Variants in FTCDNL1 observed in about 807,000 individuals in gnomAD.
FTCDNL1 encodes formiminotransferase cyclodeaminase N-terminal like.
In FTCDNL1, 11 loss-of-function variants were observed where a neutral mutation model predicts 5.9. The observed-to-expected ratio is 1.87, with a 90% confidence interval of 1.18 to 3.10. The LOEUF (loss-of-function observed/expected upper bound fraction) is 3.10, where lower values mean the gene tolerates loss of function less well. Ranked by LOEUF, FTCDNL1 falls within the 30% of genes most tolerant of loss-of-function variation. The pLI, the probability that FTCDNL1 is intolerant of heterozygous loss-of-function variation, is 0.00. For missense variants in FTCDNL1, 115 were observed against 65.5 expected (o/e 1.76, Z -2.61); for synonymous variants, 58 against 24.8 (o/e 2.34, Z -3.99).
the FTCDNL1 span, among the ~76,000 whole-genome samples, chr2:199,701,299 TAAAAAAAAAAAAAAAAAAAAAAA>T: frequency 1.9e-3 from 141 of 72,368 alleles, 1 homozygote; most frequent in Admixed American, 2.9e-3. Context: ...CTTGAAAGTT[TAAAAAAAAAAAAAAAAAAAAAAA>T]AAAAAAAAAA....
chr2:199,839,222 C>T (rs2076516291), intron 3 of FTCDNL1, among the ~76,000 whole-genome samples: 1 of 151,608 alleles, frequency 6.6e-6, no homozygotes, highest in South Asian at 2.1e-4. Context: ...GGAGATTATA[C>T]AGGAAGAAGA....
downstream of FTCDNL1, among the ~76,000 whole-genome samples, chr2:199,755,615 G>A (rs774283235): frequency 6.6e-6 from 1 of 152,128 alleles, no homozygotes; most frequent in African/African-American, 2.4e-5. Flanking sequence ...ATCTTAATAC[G>A]TGCATGGTGG....
intron 4 of FTCDNL1, among the ~76,000 whole-genome samples, chr2:199,815,048 C>T (rs1265222692): frequency 6.6e-6 from 1 of 152,176 alleles, no homozygotes; most frequent in Non-Finnish European, 1.5e-5. Context: ...AACAATGATG[C>T]ATACATGCAG....
At chr2:199,813,890 G>A (rs530540860) in intron 4 of FTCDNL1, among the ~76,000 whole-genome samples, 3 of 137,420 alleles carry the variant, frequency 2.2e-5, no homozygotes, top group Non-Finnish European at 4.5e-5. Context: ...CTCCAGCCTG[G>A]TGACAGAGCG....
the FTCDNL1 span, among the ~76,000 whole-genome samples, chr2:199,697,018 A>T: frequency 6.6e-6 from 1 of 152,334 alleles, no homozygotes; most frequent in African/African-American, 2.4e-5. Context: ...TACACTTGTA[A>T]TCCCAGCACT....
At chr2:199,730,595 C>G in the FTCDNL1 span, among the ~76,000 whole-genome samples, 1 of 152,182 alleles carries the variant, frequency 6.6e-6, no homozygotes, top group Non-Finnish European at 1.5e-5. Context: ...GAAAAAAAAG[C>G]TCATCTTCAC....
At chr2:199,809,003 G>C (rs1007873128), downstream of FTCDNL1, among the ~76,000 whole-genome samples, 6 of 152,140 alleles carry the variant, frequency 3.9e-5, no homozygotes. Context: ...CAGAGACTGA[G>C]AGACAGACCT....
chr2:199,839,724 A>G (rs1235439300), intron 3 of FTCDNL1, among the ~76,000 whole-genome samples: 1 of 152,222 alleles, frequency 6.6e-6, no homozygotes, highest in Admixed American at 6.5e-5. Flanking sequence ...AAAAATAAGG[A>G]GTCATAATGG....
intron 3 of FTCDNL1, among the ~76,000 whole-genome samples, chr2:199,839,532 A>T (rs1240526203): frequency 6.6e-6 from 1 of 152,348 alleles, no homozygotes; most frequent in Non-Finnish European, 1.5e-5. Flanking sequence ...CATCAATGGA[A>T]TAATTCAAAA....
the FTCDNL1 span, among the ~76,000 whole-genome samples, chr2:199,715,090 T>C: frequency 6.6e-6 from 1 of 151,890 alleles, no homozygotes; most frequent in Non-Finnish European, 1.5e-5. Context: ...ACTTAAAGTA[T>C]AATAAAAAAT....
At chr2:199,754,890 T>G in the FTCDNL1 span, among the ~76,000 whole-genome samples, 27 of 152,252 alleles carry the variant, frequency 1.8e-4, no homozygotes, top group Non-Finnish European at 3.2e-4. Flanking sequence ...AACATTTCTT[T>G]TGAATAACAG....
chr2:199,744,967 C>T, the FTCDNL1 span, among the ~76,000 whole-genome samples: 5 of 152,246 alleles, frequency 3.3e-5, no homozygotes, highest in African/African-American at 1.2e-4. Flanking sequence ...AGACTTTGTG[C>T]ACGCCTCTCA....
At chr2:199,822,474 A>G (rs942437553) in intron 3 of FTCDNL1, among the ~76,000 whole-genome samples, 20 of 152,208 alleles carry the variant, frequency 1.3e-4, no homozygotes, top group Admixed American at 7.9e-4. Context: ...TTGCTGGTGG[A>G]CATTCTGGCC....
chr2:199,826,488 CA>C (rs35457727), intron 3 of FTCDNL1, among the ~76,000 whole-genome samples: 74,296 of 121,086 alleles, frequency 0.61, 21,363 homozygotes, highest in South Asian at 0.72. Context: ...ATTTCTCAGT[CA>C]AAAAAAAAAA....
intron 3 of FTCDNL1, among the ~76,000 whole-genome samples, chr2:199,782,526 C>T (rs1301989360): frequency 1.3e-5 from 2 of 152,158 alleles, no homozygotes; most frequent in African/African-American, 4.8e-5. Flanking sequence ...GGTTCTTAAC[C>T]TACAGTTCTG....
the FTCDNL1 span, among the ~76,000 whole-genome samples, chr2:199,714,173 C>T: frequency 1.3e-5 from 2 of 152,124 alleles, no homozygotes; most frequent in Admixed American, 6.6e-5. Context: ...ATGATGCAGA[C>T]GATTTATGTC....
At chr2:199,790,194 T>G (rs1260796284) in intron 3 of FTCDNL1, among the ~76,000 whole-genome samples, 1 of 151,526 alleles carries the variant, frequency 6.6e-6, no homozygotes, top group Admixed American at 6.6e-5. Flanking sequence ...AGAGACACAG[T>G]GGCTATAAGA....
chr2:199,728,619 G>A, the FTCDNL1 span, among the ~76,000 whole-genome samples: 1 of 152,242 alleles, frequency 6.6e-6, no homozygotes, highest in East Asian at 1.9e-4. Context: ...TTATACCAGG[G>A]TTGCTCTTTA....
chr2:199,796,427 T>C (rs981497714), intron 3 of FTCDNL1, among the ~76,000 whole-genome samples: 2 of 152,188 alleles, frequency 1.3e-5, no homozygotes, highest in African/African-American at 4.8e-5. Context: ...TAGCAAACGG[T>C]ACCGTCACTG....
Sources: allele counts gnomAD v4.1 joint callset (sites outside exome capture counted in the v4.1 genomes callset), GRCh38; gene constraint gnomAD v4.1.1; transcripts MANE v1.5; gene names NCBI Gene and HGNC (gene_info 2026-07-23, HGNC 2026-07-21).